Variants in CFAP20DC observed in about 807,000 individuals in gnomAD.
The protein encoded by CFAP20DC is CFAP20 domain containing.
CFAP20DC carries 84 observed loss-of-function variants against 101.7 expected under a neutral mutation model. The observed-to-expected ratio is 0.83, with a 90% CI of 0.69 to 0.99. The LOEUF is 0.99. Ranked by LOEUF, CFAP20DC falls within the 50% of genes least tolerant of loss-of-function variation. The pLI, the probability that CFAP20DC is intolerant of heterozygous loss-of-function variation, is 0.00. For missense variants in CFAP20DC, 1,007 were observed against 970.3 expected (o/e 1.04, Z -0.50); for synonymous variants, 359 against 351.2 (o/e 1.02, Z -0.25).
At chr3:59,008,674 C>G (rs1012183757) in intron 4 of CFAP20DC, among the ~76,000 whole-genome samples, 5 of 150,740 alleles carry the variant, frequency 3.3e-5, no homozygotes, top group Admixed American at 6.6e-5. Flanking sequence ...AACACATGGA[C>G]ACAGGAAGGG....
At chr3:58,762,166 G>T (rs1277864815) in intron 15 of CFAP20DC, among the ~76,000 whole-genome samples, 1 of 152,114 alleles carries the variant, frequency 6.6e-6, no homozygotes, top group Non-Finnish European at 1.5e-5. Flanking sequence ...TATTGTGTGG[G>T]AGTCTAAGTC....
chr3:58,866,766 T>C, intron 10 of CFAP20DC, 78 bp from the exon 11 acceptor site: 1 of 939,196 alleles, frequency 1.1e-6, no homozygotes, highest in South Asian at 1.7e-5. Context: ...ATGGTTTACT[T>C]TGGTATACTT....
At chr3:58,747,996 AG>A (rs2068323108) in intron 16 of CFAP20DC, among the ~76,000 whole-genome samples, 1 of 152,226 alleles carries the variant, frequency 6.6e-6, no homozygotes, top group Non-Finnish European at 1.5e-5. Context: ...TTTGGGCAAT[AG>A]GTACATTACC....
At chr3:58,856,215 G>T (rs1276501202) in intron 12 of CFAP20DC, among the ~76,000 whole-genome samples, 2 of 145,890 alleles carry the variant, frequency 1.4e-5, no homozygotes, top group African/African-American at 5.0e-5. Flanking sequence ...TTTCTTCTTG[G>T]TATTCATCCT....
intron 15 of CFAP20DC, among the ~76,000 whole-genome samples, chr3:58,761,302 G>A (rs968361438): frequency 8.5e-5 from 13 of 152,148 alleles, no homozygotes; most frequent in Non-Finnish European, 1.2e-4. Flanking sequence ...ATTTCTTCTA[G>A]ATTTTCTAGT....
At chr3:58,806,842 G>A (rs1230656370) in intron 14 of CFAP20DC, among the ~76,000 whole-genome samples, 1 of 152,186 alleles carries the variant, frequency 6.6e-6, no homozygotes, top group African/African-American at 2.4e-5. Flanking sequence ...GATGGCACCT[G>A]GAAAATCGGG....
At chr3:59,012,446 A>G (rs966112672) in intron 4 of CFAP20DC, among the ~76,000 whole-genome samples, 1 of 152,056 alleles carries the variant, frequency 6.6e-6, no homozygotes, top group Non-Finnish European at 1.5e-5. Flanking sequence ...CTTCAATGAC[A>G]GTATGTGATA....
At chr3:58,887,940 T>G (rs146382405) in intron 6 of CFAP20DC, among the ~76,000 whole-genome samples, 1 of 152,248 alleles carries the variant, frequency 6.6e-6, no homozygotes, top group Non-Finnish European at 1.5e-5. Flanking sequence ...GGTGGAATAC[T>G]TGGAAAAGGG....
Position 58,882,813 on chromosome 3 carries a change from CTG to C in CFAP20DC, c.715+1730_715+1731del, listed in dbSNP as rs1292372531. On this transcript the variant is annotated intron_variant, in intron 7 of 16. Transcript: ENST00000482387. The surrounding 1 kb of genome is among the most constrained non-coding windows in gnomAD (Gnocchi z 4.2). ...AAAAAGTCCTACCTAAAGTTGGTAA[CTG>C]TGGAAGCAGGTGATTGGGTACACAG... is the stretch of plus-strand genomic sequence containing the variant. 6.6e-6 allele frequency among the ~76,000 whole-genome samples: 1 copy of C among 152,152 alleles called. No homozygotes were observed. The highest frequency in any genetic ancestry group is 2.4e-5 in the African/African-American group (1 of 41,434).
Position 58,870,263 on chromosome 3 carries a change from A to G in CFAP20DC, c.762T>C (p.Asn254=). The G allele has an allele frequency of 6.2e-7, 1 of 1,613,968 alleles. No individual in the cohort carries two copies. Among genetic ancestry groups the G allele is most frequent in the Non-Finnish European group, 8.5e-7 (1 of 1,179,928 alleles). ...RGTSITRNSK[N]QDVCHIAFGS... Reference sequence around the variant, plus strand: ...CAAATGCGATATGACAAACATCTTGATTTTTACTGTTCCGTGTAATACTTG... The same window carrying G: ...CAAATGCGATATGACAAACATCTTGGTTTTTACTGTTCCGTGTAATACTTG... The change falls in exon 8 of 17, where the codon AAT becomes AAC. Residue 254 remains asparagine (N), a synonymous_variant. Coordinates refer to ENST00000482387, the MANE Select transcript of CFAP20DC (RefSeq NM_001394063.1).
chr3:59,014,291 T>C lies in CFAP20DC; in HGVS notation c.278+25266A>G, dbSNP rs1488368955. On this transcript the variant is annotated intron_variant, in intron 4 of 16. Coordinates refer to ENST00000482387, the MANE Select transcript of CFAP20DC (RefSeq NM_001394063.1). The surrounding 1 kb of genome is among the most constrained non-coding windows in gnomAD (Gnocchi z 4.9). ...CATTTCCATCTGTATGCAAAACTGTTGCAGGAAGAAATGTATCATAAAACA... is the reference window on the plus strand; with the variant it reads ...CATTTCCATCTGTATGCAAAACTGTCGCAGGAAGAAATGTATCATAAAACA... Among the ~76,000 whole-genome samples the C allele has an allele frequency of 6.6e-6, 1 of 152,146 alleles. No homozygotes were observed. Among genetic ancestry groups the C allele is most frequent in the Non-Finnish European group, 1.5e-5 (1 of 68,010 alleles).
chr3:58,991,593 T>C (rs2092939745), intron 4 of CFAP20DC, among the ~76,000 whole-genome samples: 1 of 152,178 alleles, frequency 6.6e-6, no homozygotes, highest in African/African-American at 2.4e-5. Flanking sequence ...GGGGAAGTTA[T>C]GGTAGTACAG....
At chr3:58,844,815 T>G (rs1361224777) in intron 13 of CFAP20DC, among the ~76,000 whole-genome samples, 2 of 137,274 alleles carry the variant, frequency 1.5e-5, no homozygotes, top group African/African-American at 6.2e-5. Context: ...AAACTATCTC[T>G]CAGACCACAG....
intron 15 of CFAP20DC, among the ~76,000 whole-genome samples, chr3:58,800,736 A>G (rs2073627830): frequency 6.6e-6 from 1 of 152,172 alleles, no homozygotes; most frequent in African/African-American, 2.4e-5. Context: ...CATGCATGAA[A>G]ATCAGATTTA....
downstream of CFAP20DC, among the ~76,000 whole-genome samples, chr3:58,741,817 T>C (rs1341218078): frequency 1.3e-5 from 2 of 152,176 alleles, no homozygotes; most frequent in Admixed American, 1.3e-4. Flanking sequence ...AACAATGTTG[T>C]GATCTCCAGC....
intron 15 of CFAP20DC, among the ~76,000 whole-genome samples, chr3:58,775,408 C>A (rs2071232954): frequency 6.6e-6 from 1 of 152,120 alleles, no homozygotes. Context: ...ATTTTGGGGG[C>A]TCAAGATAAT....
At chr3:58,898,671 G>A (rs1435534974) in intron 6 of CFAP20DC, among the ~76,000 whole-genome samples, 2 of 152,130 alleles carry the variant, frequency 1.3e-5, no homozygotes, top group Non-Finnish European at 2.9e-5. Flanking sequence ...CCCACCTTCT[G>A]AAGCCTACTT....
At chr3:58,790,523 G>A (rs767701730) in intron 15 of CFAP20DC, among the ~76,000 whole-genome samples, 1 of 152,198 alleles carries the variant, frequency 6.6e-6, no homozygotes, top group Non-Finnish European at 1.5e-5. Flanking sequence ...GAGCAGAAGA[G>A]CAGCAGAGAA....
chr3:58,794,836 A>T (rs188657964), intron 15 of CFAP20DC, among the ~76,000 whole-genome samples: 71 of 152,330 alleles, frequency 4.7e-4, no homozygotes, highest in African/African-American at 1.7e-3. Context: ...CATAGTAGGT[A>T]CTTCAAAAAT....
Sources: allele counts gnomAD v4.1 joint callset (sites outside exome capture counted in the v4.1 genomes callset), GRCh38; gene constraint gnomAD v4.1.1; non-coding constraint Gnocchi (gnomAD v3.1); transcripts MANE v1.5; gene names NCBI Gene and HGNC (gene_info 2026-07-23, HGNC 2026-07-21).